The following SORBS2 variants were observed in gnomAD, a reference collection of about 807,000 sequenced individuals.
The protein encoded by SORBS2 is sorbin and SH3 domain-containing protein 2.
A neutral mutation model predicts 97.7 loss-of-function variants in SORBS2; 46 were observed. That is an observed-to-expected ratio of 0.47 (90% CI 0.37 to 0.60). The LOEUF is 0.60. Ranked by LOEUF, SORBS2 falls within the 20% of genes least tolerant of loss-of-function variation. SORBS2 has a pLI of 0.00. For synonymous variants in SORBS2, 476 were observed against 473.4 expected (o/e 1.01, Z -0.07); for missense variants, 1,316 against 1,282.3 (o/e 1.03, Z -0.40).
At chr4:185,595,345 C>T (rs1288381528) in intron 12 of SORBS2, among the ~76,000 whole-genome samples, 2 of 152,202 alleles carry the variant, frequency 1.3e-5, no homozygotes, top group South Asian at 4.2e-4. Flanking sequence ...ATCAATATGA[C>T]TACTAATGAT....
chr4:185,873,723 C>G (rs1000305023), intron 1 of SORBS2, among the ~76,000 whole-genome samples: 2 of 152,130 alleles, frequency 1.3e-5, no homozygotes, highest in African/African-American at 4.8e-5. Context: ...CTGTCCAAAA[C>G]TATAATTTTT....
intron 2 of SORBS2, among the ~76,000 whole-genome samples, chr4:185,703,287 A>G (rs1464751981): frequency 1.3e-5 from 2 of 152,194 alleles, no homozygotes; most frequent in Non-Finnish European, 2.9e-5. Flanking sequence ...TTAATTTTTA[A>G]AGCTTTTTTC....
intron 1 of SORBS2, among the ~76,000 whole-genome samples, chr4:185,921,922 C>G (rs545613084): frequency 8.5e-5 from 13 of 152,346 alleles, no homozygotes; most frequent in Non-Finnish European, 1.6e-4. Flanking sequence ...TTGGAGCTGC[C>G]TGTTACAGGA....
intron 1 of SORBS2, among the ~76,000 whole-genome samples, chr4:185,815,582 TCAAA>T (rs1457324026): frequency 7.2e-5 from 11 of 152,112 alleles, no homozygotes; most frequent in Admixed American, 2.6e-4. Flanking sequence ...AGAAGGATTT[TCAAA>T]CAAATATATT....
At chr4:185,734,393 A>G (rs1260418132) in intron 2 of SORBS2, among the ~76,000 whole-genome samples, 1 of 152,208 alleles carries the variant, frequency 6.6e-6, no homozygotes, top group African/African-American at 2.4e-5. Flanking sequence ...AATTATATAG[A>G]AAAGGGGAAA....
intron 1 of SORBS2, among the ~76,000 whole-genome samples, chr4:185,794,736 T>C (rs2099097082): frequency 6.6e-6 from 1 of 151,988 alleles, no homozygotes. Flanking sequence ...GACTCGGTGG[T>C]TCCCCTTGAC....
At chr4:185,778,430 C>T (rs10028428) in intron 1 of SORBS2, among the ~76,000 whole-genome samples, 18,940 of 152,162 alleles carry the variant, frequency 0.12, 1,561 homozygotes, top group East Asian at 0.32. Context: ...AACGTCATCA[C>T]TTAGGATCTT....
intron 1 of SORBS2, among the ~76,000 whole-genome samples, chr4:185,789,738 C>A (rs2099072125): frequency 1.3e-5 from 2 of 151,820 alleles, no homozygotes; most frequent in Non-Finnish European, 2.9e-5. Context: ...CTTTTTAATT[C>A]TCTTGATTTT....
chr4:185,610,817 A>C (rs1389656648), intron 12 of SORBS2, among the ~76,000 whole-genome samples: 1 of 152,142 alleles, frequency 6.6e-6, no homozygotes, highest in African/African-American at 2.4e-5. Flanking sequence ...ATAATTAATA[A>C]ATTAGGCAAC....
At chr4:185,897,790 A>G (rs1482570053) in intron 1 of SORBS2, among the ~76,000 whole-genome samples, 1 of 152,154 alleles carries the variant, frequency 6.6e-6, no homozygotes, top group Non-Finnish European at 1.5e-5. Flanking sequence ...TAATCCCAGC[A>G]CTTTGGGAGG....
intron 2 of SORBS2, among the ~76,000 whole-genome samples, chr4:185,741,404 G>GTTTTTTTTTTTTTTTTTTTTTTTT (rs58376567): frequency 9.0e-6 from 1 of 111,666 alleles, no homozygotes; most frequent in African/African-American, 3.5e-5. Context: ...TTTTTTTTTT[G>GTTTTTTTTTTTTTTTTTTTTTTTT]TTTTTTTTTT....
intron 1 of SORBS2, among the ~76,000 whole-genome samples, chr4:185,842,450 T>C (rs1204131786): frequency 6.6e-6 from 1 of 152,138 alleles, no homozygotes; most frequent in Non-Finnish European, 1.5e-5. Flanking sequence ...AGGAGTTACC[T>C]ACCTGATCTC....
At chr4:185,591,334 G>A (rs2095929095) in intron 13 of SORBS2, among the ~76,000 whole-genome samples, 1 of 152,146 alleles carries the variant, frequency 6.6e-6, no homozygotes, top group Non-Finnish European at 1.5e-5. Flanking sequence ...ATCCTTTTGA[G>A]CATGGGCTTC....
chr4:185,593,963 C>T (rs758146341), intron 12 of SORBS2, 28 bp from the exon 25 acceptor site: 1 of 1,526,208 alleles, frequency 6.6e-7, no homozygotes, highest in Admixed American at 1.7e-5. Flanking sequence ...TCAATGTAAT[C>T]AATGTTTAAA....
intron 1 of SORBS2, among the ~76,000 whole-genome samples, chr4:185,854,909 A>C (rs963635527): frequency 1.3e-5 from 2 of 151,228 alleles, no homozygotes; most frequent in African/African-American, 4.8e-5. Context: ...TGTAACATTA[A>C]AATGCTTTCC....
chr4:185,632,932 T>C (rs913437103), intron 4 of SORBS2, among the ~76,000 whole-genome samples: 1 of 152,182 alleles, frequency 6.6e-6, no homozygotes, highest in Non-Finnish European at 1.5e-5. Flanking sequence ...GATTGATGAC[T>C]GAGAGAAAAA....
rs1274519207 is a variant in SORBS2, at chr4:185,812,108, A to G, written c.-337-36742T>C. 1.3e-5 allele frequency: 2 copies of G among 152,252 alleles called. No individual in the cohort carries two copies. Among genetic ancestry groups the G allele is most frequent in the African/African-American group, 4.8e-5 (2 of 41,472 alleles). The allele number at this position is 152,252 out of a possible 1,614,324, so 9.4% of individuals were successfully genotyped here. ...CTTGCAGGCCTGCGTGGCTGTGATCATTGTATACTAACATGCCCATTGCTT... is the reference window on the plus strand; with the variant it reads ...CTTGCAGGCCTGCGTGGCTGTGATCGTTGTATACTAACATGCCCATTGCTT... On this transcript the variant is annotated intron_variant, in intron 1 of 20. The change abolishes an upstream ATG in the 5' untranslated region. Coordinates refer to the SORBS2 transcript ENST00000284776.
intron 2 of SORBS2, among the ~76,000 whole-genome samples, chr4:185,720,083 G>A: frequency 6.6e-6 from 1 of 152,192 alleles, no homozygotes; most frequent in East Asian, 1.9e-4. Context: ...AGGAGCTGGG[G>A]CAGCCCTCTT....
At chr4:185,637,552 G>T (rs531250845) in intron 4 of SORBS2, among the ~76,000 whole-genome samples, 1 of 152,258 alleles carries the variant, frequency 6.6e-6, no homozygotes, top group South Asian at 2.1e-4. Context: ...CAGGCTCTGC[G>T]TTTAACTTCT....
Sources: gnomAD v4.1 joint callset for allele counts (sites outside exome capture counted in the v4.1 genomes callset) on GRCh38, gnomAD v4.1.1 for gene constraint, MANE v1.5 for transcripts, NCBI Gene and HGNC (gene_info 2026-07-23, HGNC 2026-07-21) for gene names.